TENM3: variants seen among roughly 807,000 people sequenced by gnomAD.
TENM3 encodes teneurin-3.
A neutral mutation model predicts 255.1 loss-of-function variants in TENM3; 63 were observed. The ratio of observed to expected loss-of-function variants is 0.25; its 90% CI spans 0.20 to 0.30. The LOEUF (loss-of-function observed/expected upper bound fraction) is 0.30. Ranked by LOEUF, TENM3 falls within the 10% of genes least tolerant of loss-of-function variation. The pLI is 1.00. For missense variants in TENM3, 2,929 were observed against 3,461.1 expected (o/e 0.85, Z 3.86); for synonymous variants, 1,306 against 1,322.3 (o/e 0.99, Z 0.27).
At chr4:182,069,649 G>C in the TENM3 span, among the ~76,000 whole-genome samples, 1 of 151,062 alleles carries the variant, frequency 6.6e-6, no homozygotes, top group African/African-American at 2.4e-5. Context: ...TACCAAACCT[G>C]GGACATCCCT....
chr4:182,333,422 G>A (rs370882628), intron 2 of TENM3, among the ~76,000 whole-genome samples: 89 of 152,200 alleles, frequency 5.8e-4, no homozygotes, highest in African/African-American at 1.9e-3. Flanking sequence ...AATATACAAG[G>A]ATTTTTCAGT....
At position 182,362,914 on chromosome 4, in the gene TENM3, C is replaced by T. The variant is rs1438876378; in HGVS notation, c.511+15985C>T. On this transcript the variant is annotated intron_variant, in intron 3 of 27. Coordinates refer to ENST00000511685, the MANE Select transcript of TENM3 (RefSeq NM_001080477.4). The stretch of plus-strand genomic sequence containing the variant: ...TTTTAAGGTACTTTTCATCTCACAA[C>T]TTTATATACATAATTAATTTGGTGT... Among the ~76,000 whole-genome samples the T allele has an allele frequency of 8.5e-5, 13 of 152,280 alleles. No individual in the cohort carries two copies. In the East Asian group the frequency reaches 2.3e-3, roughly 27 times the overall value.
the TENM3 span, among the ~76,000 whole-genome samples, chr4:181,521,422 T>C: frequency 1.1e-4 from 16 of 152,254 alleles, no homozygotes; most frequent in Admixed American, 9.8e-4. Context: ...GTAAGGTTAC[T>C]TGAAACAGTT....
the TENM3 span, among the ~76,000 whole-genome samples, chr4:181,893,374 A>G: frequency 1.4e-4 from 22 of 152,050 alleles, no homozygotes; most frequent in African/African-American, 5.3e-4. Flanking sequence ...ATAGACCTGA[A>G]TGTTAATTTT....
intron 22 of TENM3, among the ~76,000 whole-genome samples, chr4:182,767,924 C>T (rs2152782794): frequency 6.6e-6 from 1 of 152,330 alleles, no homozygotes; most frequent in Non-Finnish European, 1.5e-5. Context: ...TTGGTTTTGA[C>T]CGGAGAAAGC....
chr4:182,567,911 C>T (rs1311882030), intron 3 of TENM3, among the ~76,000 whole-genome samples: 1 of 150,666 alleles, frequency 6.6e-6, no homozygotes, highest in East Asian at 1.9e-4. Flanking sequence ...TAGAACAGTG[C>T]CTGGCACATG....
At chr4:181,775,756 T>G in the TENM3 span, among the ~76,000 whole-genome samples, 777 of 152,256 alleles carry the variant, frequency 5.1e-3, 8 homozygotes, top group African/African-American at 0.017. Context: ...TCCTCCATGT[T>G]GTCACCAGCA....
At chr4:182,020,365 C>CA in the TENM3 span, among the ~76,000 whole-genome samples, 2 of 148,816 alleles carry the variant, frequency 1.3e-5, no homozygotes, top group East Asian at 2.0e-4. Flanking sequence ...GACTCTGTCT[C>CA]AAAAAAAAAT....
At chr4:181,813,829 C>T in the TENM3 span, among the ~76,000 whole-genome samples, 1 of 152,162 alleles carries the variant, frequency 6.6e-6, no homozygotes, top group Admixed American at 6.5e-5. Flanking sequence ...TAGTCAGCAT[C>T]TTGTTTTCAA....
intron 1 of TENM3, among the ~76,000 whole-genome samples, chr4:182,235,617 A>C (rs1472923151): frequency 6.6e-6 from 1 of 152,022 alleles, no homozygotes; most frequent in African/African-American, 2.4e-5. Flanking sequence ...CTACACACAT[A>C]CACACGGGAG....
intron 1 of TENM3, among the ~76,000 whole-genome samples, chr4:182,154,904 A>C (rs1018454975): frequency 6.6e-6 from 1 of 152,228 alleles, no homozygotes; most frequent in African/African-American, 2.4e-5. Flanking sequence ...ATATTATGTG[A>C]GTATATTCCC....
At chr4:181,959,053 G>T in the TENM3 span, among the ~76,000 whole-genome samples, 1 of 152,082 alleles carries the variant, frequency 6.6e-6, no homozygotes, top group East Asian at 1.9e-4. Flanking sequence ...GTTGTTGTTT[G>T]TTTGGTTTGG....
At chr4:182,284,177 AC>A (rs1293114320) in intron 1 of TENM3, among the ~76,000 whole-genome samples, 1 of 152,194 alleles carries the variant, frequency 6.6e-6, no homozygotes, top group Non-Finnish European at 1.5e-5. Context: ...GGTTACCAAA[AC>A]CTGCCTCTCT....
the TENM3 span, among the ~76,000 whole-genome samples, chr4:182,089,684 C>G: frequency 6.6e-6 from 1 of 152,110 alleles, no homozygotes; most frequent in African/African-American, 2.4e-5. Flanking sequence ...CTTCAGGATA[C>G]CAGGTCCTGG....
intron 1 of TENM3, among the ~76,000 whole-genome samples, chr4:182,160,582 A>G (rs6844044): frequency 6.3e-4 from 96 of 152,338 alleles, no homozygotes; most frequent in African/African-American, 2.1e-3. Context: ...TTAAAAATGT[A>G]TCATGCAGAG....
At chr4:181,989,550 C>T in the TENM3 span, among the ~76,000 whole-genome samples, 1 of 152,148 alleles carries the variant, frequency 6.6e-6, no homozygotes, top group Non-Finnish European at 1.5e-5. Flanking sequence ...CCACTTACAA[C>T]ATCTCCGTTT....
chr4:182,325,600 C>A (rs1467922827), intron 2 of TENM3, among the ~76,000 whole-genome samples: 1 of 152,090 alleles, frequency 6.6e-6, no homozygotes, highest in African/African-American at 2.4e-5. Flanking sequence ...ATATTGTCTG[C>A]ACAGCTGAAA....
At chr4:181,469,842 C>T in the TENM3 span, among the ~76,000 whole-genome samples, 191 of 152,138 alleles carry the variant, frequency 1.3e-3, no homozygotes, top group Non-Finnish European at 2.2e-3. Flanking sequence ...TATCTTTATA[C>T]TTAAGCCTTT....
the TENM3 span, among the ~76,000 whole-genome samples, chr4:181,524,029 C>T: frequency 3.9e-5 from 6 of 152,136 alleles, no homozygotes; most frequent in East Asian, 7.7e-4. Flanking sequence ...CAGAATTCTA[C>T]GTGGCTCGCT....
Sources: allele counts gnomAD v4.1 joint callset (sites outside exome capture counted in the v4.1 genomes callset), GRCh38; gene constraint gnomAD v4.1.1; transcripts MANE v1.5; gene names NCBI Gene and HGNC (gene_info 2026-07-23, HGNC 2026-07-21).